SNTB2: variants seen among roughly 807,000 people sequenced by gnomAD.
The protein encoded by SNTB2 is beta-2-syntrophin.
SNTB2 carries 34 observed loss-of-function variants against 46.2 expected under a neutral mutation model. That is an observed-to-expected ratio of 0.74 (90% CI 0.56 to 0.98). SNTB2 has a LOEUF of 0.98. Ranked by LOEUF, SNTB2 falls within the 50% of genes least tolerant of loss-of-function variation. The probability of loss-of-function intolerance (pLI) is 0.00; values close to 1 mark genes in which losing one functional copy is unlikely to be tolerated. For missense variants in SNTB2, 603 were observed against 731.4 expected, an observed-to-expected ratio of 0.82 and a Z score of 2.02; for synonymous variants, 290 against 312.6, an observed-to-expected ratio of 0.93 and a Z score of 0.76.
chr16:69,270,934 G>A (rs1597194511), intron 4 of SNTB2, among the ~76,000 whole-genome samples: 2 of 152,126 alleles, frequency 1.3e-5, no homozygotes, highest in Admixed American at 6.6e-5. Context: ...AAAGAATCAG[G>A]TGTTGATATA....
chr16:69,251,693 G>A (rs559603238), intron 2 of SNTB2, among the ~76,000 whole-genome samples: 25 of 152,096 alleles, frequency 1.6e-4, no homozygotes, highest in African/African-American at 4.8e-4. Context: ...GAGGAGAATC[G>A]CATGAACTCG....
chr16:69,227,201 T>TG (rs1964467659), intron 1 of SNTB2, among the ~76,000 whole-genome samples: 1 of 152,248 alleles, frequency 6.6e-6, no homozygotes, highest in African/African-American at 2.4e-5. Context: ...AAATTAGGAC[T>TG]GTAAAAGTAT....
Position 69,187,321 on chromosome 16 carries a change from G to C in SNTB2, c.155G>C (p.Gly52Ala), listed in dbSNP as rs1963998207. The C allele has an allele frequency of 6.9e-7, 1 of 1,455,830 alleles. No individual in the cohort carries two copies. The highest frequency in any genetic ancestry group is 9.0e-7 in the Non-Finnish European group (1 of 1,107,188). 90.2% of individuals were successfully genotyped at this position (1,455,830 alleles called of 1,614,324 possible). ...ELSGESLSLT[G>A]DAAAAELEPA... ...AGCGGGGAGAGCCTGAGCCTGACGG[G>C]CGACGCCGCCGCGGCCGAGCTGGAG... Residue 52 changes from glycine to alanine, a missense_variant, in exon 1 of 7, where the codon GGC becomes GCC. This residue lies in a region of SNTB2 where 537 missense variants were observed against 692.4 expected (regional missense o/e 0.78). Transcript: ENST00000336278.
At chr16:69,225,137 G>T (rs1243314932) in intron 1 of SNTB2, among the ~76,000 whole-genome samples, 2 of 152,144 alleles carry the variant, frequency 1.3e-5, no homozygotes, top group Non-Finnish European at 2.9e-5. Flanking sequence ...TAACTTACAG[G>T]ATTTCTTTTA....
In SNTB2 at chr16:69,307,865, G is replaced by C. The variant is rs1965327529; in HGVS notation, c.*6941G>C. The C allele has an allele frequency of 6.6e-6, 1 of 151,912 alleles. No homozygotes were observed. Among genetic ancestry groups the C allele is most frequent in the African/African-American group, 2.4e-5 (1 of 41,364 alleles). The allele number at this position is 151,912 out of a possible 1,614,324, so 9.4% of individuals were successfully genotyped here. Reference sequence around the variant, plus strand: ...ATTTCACTTATTCCAGGACACGCTGGCATTTGGACTCAATGAAAAGGGCAC... The same window carrying C: ...ATTTCACTTATTCCAGGACACGCTGCCATTTGGACTCAATGAAAAGGGCAC... On this transcript the variant is annotated 3_prime_UTR_variant, in exon 7 of 7. Transcript: ENST00000336278.
intron 1 of SNTB2, among the ~76,000 whole-genome samples, chr16:69,198,119 G>C (rs995431023): frequency 1.1e-5 from 1 of 89,824 alleles, no homozygotes; most frequent in East Asian, 3.9e-4. Flanking sequence ...TTTTTTTTTT[G>C]GGGGGTAGGG....
chr16:69,283,227 C>T (rs1472717344), intron 4 of SNTB2, among the ~76,000 whole-genome samples: 2 of 152,154 alleles, frequency 1.3e-5, no homozygotes, highest in Non-Finnish European at 2.9e-5. Flanking sequence ...TCTGAAAGTG[C>T]TGGGATTACA....
chr16:69,204,954 A>G (rs1368636989), intron 1 of SNTB2, among the ~76,000 whole-genome samples: 1 of 152,202 alleles, frequency 6.6e-6, no homozygotes, highest in South Asian at 2.1e-4. Context: ...GCATATGACC[A>G]TAGTATTTTT....
intron 5 of SNTB2, among the ~76,000 whole-genome samples, chr16:69,292,368 ATATATATATATTATATATATATTATATAT>A (rs1965170185): frequency 7.6e-5 from 2 of 26,382 alleles, no homozygotes; most frequent in Non-Finnish European, 1.4e-4. Context: ...ATATATATAT[ATATATATATATTATATATATATTATATAT>A]ATATATATAT....
intron 3 of SNTB2, among the ~76,000 whole-genome samples, chr16:69,266,006 C>G (rs1430991014): frequency 6.6e-6 from 1 of 151,944 alleles, no homozygotes; most frequent in East Asian, 1.9e-4. Context: ...ATACCATAAC[C>G]AAAAAACACA....
intron 1 of SNTB2, among the ~76,000 whole-genome samples, chr16:69,195,802 T>C (rs1964099934): frequency 6.6e-6 from 1 of 152,192 alleles, no homozygotes; most frequent in South Asian, 2.1e-4. Flanking sequence ...CTATCACTAT[T>C]ACCAAAATGA....
intron 5 of SNTB2, among the ~76,000 whole-genome samples, chr16:69,286,709 A>C (rs1965106155): frequency 6.7e-6 from 1 of 150,148 alleles, no homozygotes; most frequent in South Asian, 2.1e-4. Flanking sequence ...AAATTTAATT[A>C]AATGAAAAAA....
At chr16:69,238,899 C>T (rs1166310769) in intron 1 of SNTB2, among the ~76,000 whole-genome samples, 7 of 152,166 alleles carry the variant, frequency 4.6e-5, no homozygotes, top group Non-Finnish European at 7.3e-5. Context: ...TGGTCACTTG[C>T]TCCTGAAAAT....
intron 1 of SNTB2, among the ~76,000 whole-genome samples, chr16:69,193,343 T>TTTG (rs1964072734): frequency 6.9e-6 from 1 of 144,902 alleles, no homozygotes; most frequent in Non-Finnish European, 1.5e-5. Flanking sequence ...TTTTTTTTTT[T>TTTG]TTTGAGACAG....
At chr16:69,281,905 C>CTTTTTTTTTTTT (rs776664092) in intron 4 of SNTB2, among the ~76,000 whole-genome samples, 1 of 125,322 alleles carries the variant, frequency 8.0e-6, no homozygotes, top group African/African-American at 3.0e-5. Context: ...TTGTTTCTCT[C>CTTTTTTTTTTTT]TTTTTTTTTT....
intron 2 of SNTB2, among the ~76,000 whole-genome samples, chr16:69,247,662 G>A (rs967632566): frequency 6.6e-6 from 1 of 152,100 alleles, no homozygotes; most frequent in Non-Finnish European, 1.5e-5. Flanking sequence ...TCAAAGTAGG[G>A]TTCTGAGCAA....
chr16:69,198,332 C>G (rs893007148), intron 1 of SNTB2, among the ~76,000 whole-genome samples: 3 of 152,128 alleles, frequency 2.0e-5, no homozygotes, highest in Non-Finnish European at 4.4e-5. Context: ...TGGTCTTGAA[C>G]TCTTGAGCTC....
chr16:69,235,629 G>C (rs1358134816), intron 1 of SNTB2: 1 of 1,176,198 alleles, frequency 8.5e-7, no homozygotes, highest in South Asian at 1.6e-5. Context: ...AAGGCGGGAA[G>C]TGGGGAGCAG....
At chr16:69,189,829 G>A (rs1489002313) in intron 1 of SNTB2, among the ~76,000 whole-genome samples, 2 of 152,212 alleles carry the variant, frequency 1.3e-5, no homozygotes, top group Non-Finnish European at 2.9e-5. Flanking sequence ...AAACCTTGCA[G>A]TAAATGCTTC....
Sources: allele counts gnomAD v4.1 joint callset (sites outside exome capture counted in the v4.1 genomes callset), GRCh38; gene constraint gnomAD v4.1.1; regional missense constraint gnomAD v4.1.1; transcripts MANE v1.5; gene names NCBI Gene and HGNC (gene_info 2026-07-23, HGNC 2026-07-21).